Variants in CLIC6 observed in about 807,000 individuals in gnomAD.
CLIC6 encodes the protein CLIC family member 6.
CLIC6 carries 39 observed loss-of-function variants against 49.2 expected under a neutral mutation model. The ratio of observed to expected loss-of-function variants is 0.79; its 90% confidence interval spans 0.61 to 1.04. CLIC6 has a LOEUF of 1.04. CLIC6 is among the 50% of genes least tolerant of loss of function. The probability of loss-of-function intolerance (pLI) is 0.00; values close to 1 mark genes in which losing one functional copy is unlikely to be tolerated. For missense variants in CLIC6, 988 were observed against 993.1 expected, an observed-to-expected ratio of 0.99 and a Z score of 0.07; for synonymous variants, 446 against 433.4, an observed-to-expected ratio of 1.03 and a Z score of -0.36.
At position 34,670,004 on chromosome 21, in the gene CLIC6, C is replaced by T; in HGVS notation, c.616C>T (p.Leu206=). 8.3e-7 allele frequency: 1 copy of T among 1,201,756 alleles called. No homozygotes were observed. The highest frequency in any genetic ancestry group is 5.5e-5 in the Admixed American group (1 of 18,074). 74.4% of individuals were successfully genotyped at this position (1,201,756 alleles called of 1,614,324 possible). ...AGDSVDAEGP[L]GDNIQAEGPA... ...GGACAGCGTAGACGCGGAGGGCCCG[C>T]TGGGGGACAACATACAAGCCGAGGG... The change falls in exon 1 of 6, where the codon CTG becomes TTG. Residue 206 remains leucine (L), a synonymous_variant. Coordinates refer to ENST00000349499, the MANE Select transcript of CLIC6 (RefSeq NM_053277.3).
chr21:34,670,314 A>C lies in CLIC6; in HGVS notation c.926A>C (p.Glu309Ala). 1 of 1,444,340 alleles carries C rather than the reference A, an allele frequency of 6.9e-7. No individual in the cohort carries two copies. The highest frequency in any genetic ancestry group is 9.1e-7 in the Non-Finnish European group (1 of 1,101,126). The allele number at this position is 1,444,340 out of a possible 1,614,324, so 89.5% of individuals were successfully genotyped here. ...GACGGCAGCCTCTCGCCCCAGGCCG[A>C]GGCAATTGAGGTCGCAGCCGGGGAG... ...SGDGSLSPQA[E>A]AIEVAAGESA... Residue 309 changes from glutamate to alanine, a missense_variant, in exon 1 of 6, where the codon GAG becomes GCG. This residue lies in a region of CLIC6 where 647 missense variants were observed against 596.9 expected (regional missense o/e 1.08). Transcript: ENST00000349499.
At position 34,701,101 on chromosome 21, in the gene CLIC6, G is replaced by T. The variant is rs376141837; in HGVS notation, c.1375-6179G>T. Among the ~76,000 whole-genome samples, 10 of 141,746 alleles carry T rather than the reference G, an allele frequency of 7.1e-5. 3 individuals carry two copies. The highest frequency in any genetic ancestry group is 2.5e-4 in the African/African-American group (9 of 36,004). The allele number at this position is 141,746 out of a possible 152,430, so 93.0% of individuals were successfully genotyped here. A position where few individuals can be genotyped will look rare whatever the true frequency, so the allele number is the denominator to read the frequency against. On this transcript the variant is annotated intron_variant, in intron 1 of 5. Transcript: ENST00000349499. ...GTGGATCATGAGGTCAGGAGATCGA[G>T]ACCATCCTGGCTAACAAGGTGAAAC...
chr21:34,700,319 C>T (rs1364506395), intron 1 of CLIC6, among the ~76,000 whole-genome samples: 1 of 139,866 alleles, frequency 7.1e-6, no homozygotes, highest in Non-Finnish European at 1.5e-5. Context: ...TGGTGCCGGG[C>T]TCCTGTGGTC....
At chr21:34,674,004 A>G (rs1423343628) in intron 1 of CLIC6, among the ~76,000 whole-genome samples, 1 of 152,174 alleles carries the variant, frequency 6.6e-6, no homozygotes, top group Non-Finnish European at 1.5e-5. Flanking sequence ...GTTTAAAGGA[A>G]AGTACTGCAA....
At chr21:34,701,770 A>G (rs1990194677) in intron 1 of CLIC6, among the ~76,000 whole-genome samples, 3 of 152,184 alleles carry the variant, frequency 2.0e-5, no homozygotes, top group Admixed American at 2.0e-4. Flanking sequence ...GGATAAACTC[A>G]TAATTTTTTT....
chr21:34,678,473 C>A (rs1989716209), intron 1 of CLIC6, among the ~76,000 whole-genome samples: 1 of 151,634 alleles, frequency 6.6e-6, no homozygotes, highest in Non-Finnish European at 1.5e-5. Flanking sequence ...TAGCTTATAC[C>A]TACTTTTATT....
intron 1 of CLIC6, among the ~76,000 whole-genome samples, chr21:34,698,654 G>A (rs1990133714): frequency 6.6e-6 from 1 of 152,170 alleles, no homozygotes. Flanking sequence ...TTCTTATCCA[G>A]CACTAAGAGG....
intron 5 of CLIC6, among the ~76,000 whole-genome samples, chr21:34,710,531 G>C (rs557849813): frequency 1.3e-5 from 2 of 152,172 alleles, no homozygotes; most frequent in Non-Finnish European, 2.9e-5. Flanking sequence ...GTGAGTCCCC[G>C]GGCCAGGCAT....
chr21:34,674,908 C>T (rs1037309009), intron 1 of CLIC6, among the ~76,000 whole-genome samples: 6 of 152,082 alleles, frequency 3.9e-5, no homozygotes, highest in Non-Finnish European at 8.8e-5. Context: ...GAGATTTAGT[C>T]GCCAAGGAAG....
chr21:34,709,818 A>G (rs1250599061), intron 5 of CLIC6, among the ~76,000 whole-genome samples: 1 of 152,198 alleles, frequency 6.6e-6, no homozygotes, highest in Non-Finnish European at 1.5e-5. Context: ...AAGCAGCCTG[A>G]GGAATTTCGT....
Position 34,708,642 on chromosome 21 carries a change from G to A in CLIC6, c.1611-58G>A, listed in dbSNP as rs2056033344. ...GAAAGCTGTTTTTCTCCATTGTATA[G>A]TATTATCTTCACTAAAACATCACTT... is the stretch of plus-strand genomic sequence containing the variant. On this transcript the variant is annotated intron_variant, in intron 3 of 5. Transcript: ENST00000349499. 10 of 1,179,542 alleles carry A rather than the reference G, an allele frequency of 8.5e-6. No homozygotes were observed. In the Admixed American group the frequency reaches 1.0e-4, roughly 12 times the overall value. The allele number at this position is 1,179,542 out of a possible 1,614,324, so 73.1% of individuals were successfully genotyped here. A position where few individuals can be genotyped will look rare whatever the true frequency, so the allele number is the denominator to read the frequency against.
At chr21:34,680,685 C>A (rs1410550926) in intron 1 of CLIC6, among the ~76,000 whole-genome samples, 3 of 152,188 alleles carry the variant, frequency 2.0e-5, no homozygotes, top group African/African-American at 7.2e-5. Flanking sequence ...AGGACAGGGG[C>A]AAAATGCTGC....
rs1327956853 is a variant in CLIC6, at chr21:34,669,010, A to G, written c.-379A>G. Among the ~76,000 whole-genome samples, 1 of 152,216 alleles carries G rather than the reference A, an allele frequency of 6.6e-6. No individual in the cohort carries two copies. Among genetic ancestry groups the G allele is most frequent in the Non-Finnish European group, 1.5e-5 (1 of 68,022 alleles). ...CTTCTGGTCAACCCCAGGACAGCGG[A>G]CAGCGGGCCGGGCACTTCCAAAGGC... On this transcript the variant is annotated 5_prime_UTR_variant, in exon 1 of 6. Coordinates refer to ENST00000349499, the MANE Select transcript of CLIC6 (RefSeq NM_053277.3).
intron 5 of CLIC6, among the ~76,000 whole-genome samples, chr21:34,715,057 G>T (rs2056078622): frequency 6.6e-6 from 1 of 152,192 alleles, no homozygotes; most frequent in Non-Finnish European, 1.5e-5. Context: ...CTGTCACATT[G>T]CATCAATGAC....
At chr21:34,708,153 G>A in intron 3 of CLIC6, 84 bp downstream of exon 3, 1 of 1,515,984 alleles carries the variant, frequency 6.6e-7, no homozygotes, top group Admixed American at 1.7e-5. Context: ...GGCAGTGTGT[G>A]TGTGTGTGGT....
chr21:34,689,785 A>G (rs550603838), intron 1 of CLIC6, among the ~76,000 whole-genome samples: 4 of 151,926 alleles, frequency 2.6e-5, no homozygotes, highest in East Asian at 1.9e-4. Flanking sequence ...TTTCTTTTCA[A>G]TCCACTTTCT....
intron 1 of CLIC6, among the ~76,000 whole-genome samples, chr21:34,674,890 C>T (rs1356894969): frequency 1.3e-5 from 2 of 152,098 alleles, no homozygotes; most frequent in African/African-American, 2.4e-5. Context: ...AGGAGTTCAG[C>T]GGTAGTGGAG....
chr21:34,693,495 T>A (rs1484758092), intron 1 of CLIC6, among the ~76,000 whole-genome samples: 1 of 152,166 alleles, frequency 6.6e-6, no homozygotes, highest in Non-Finnish European at 1.5e-5. Context: ...AAAACCATAG[T>A]AAGGAACCAA....
intron 4 of CLIC6, among the ~76,000 whole-genome samples, chr21:34,709,109 T>A (rs2056037776): frequency 6.6e-6 from 1 of 152,256 alleles, no homozygotes; most frequent in South Asian, 2.1e-4. Context: ...CCCCACAGGC[T>A]TTCCATAAGT....
Sources: allele counts gnomAD v4.1 joint callset (sites outside exome capture counted in the v4.1 genomes callset), GRCh38; gene constraint gnomAD v4.1.1; regional missense constraint gnomAD v4.1.1; transcripts MANE v1.5; gene names NCBI Gene and HGNC (gene_info 2026-07-23, HGNC 2026-07-21).